Variants in ATRN observed in about 807,000 individuals in gnomAD.
ATRN encodes attractin-2.
Under a neutral mutation model 178.7 loss-of-function variants are expected in ATRN, and 54 were observed. That is an observed-to-expected ratio of 0.30 (90% CI 0.24 to 0.38). The LOEUF is 0.38. Among genes scored for constraint, ATRN ranks in the 10% least tolerant of loss-of-function variants. The pLI, the probability that ATRN is intolerant of heterozygous loss-of-function variation, is 1.00. For missense variants in ATRN, 1,443 were observed against 1,815.1 expected, an observed-to-expected ratio of 0.79 and a Z score of 3.73; for synonymous variants, 636 against 663.0, an observed-to-expected ratio of 0.96 and a Z score of 0.63.
chr20:3,473,351 G>A (rs1477504476), intron 1 of ATRN, among the ~76,000 whole-genome samples: 2 of 152,130 alleles, frequency 1.3e-5, no homozygotes, highest in Non-Finnish European at 2.9e-5. Context: ...TACTACCTGC[G>A]TGAGGGGTGG....
chr20:3,569,309 G>A (rs927587981), intron 11 of ATRN, among the ~76,000 whole-genome samples: 2 of 152,056 alleles, frequency 1.3e-5, no homozygotes, highest in Non-Finnish European at 2.9e-5. Flanking sequence ...GGTATGGCTT[G>A]TTGCTCCTAG....
At chr20:3,578,480 A>C in intron 14 of ATRN, 102 bp from the exon 15 acceptor site, 1 of 1,073,486 alleles carries the variant, frequency 9.3e-7, no homozygotes, top group Non-Finnish European at 1.3e-6. Context: ...CTAGAATTTA[A>C]ATTAGAAAGG....
chr20:3,554,375 G>A (rs1029791113), intron 6 of ATRN, among the ~76,000 whole-genome samples: 6 of 148,852 alleles, frequency 4.0e-5, no homozygotes, highest in South Asian at 2.1e-4. Context: ...TCGCTCTGTC[G>A]CCCAGGCTGG....
At chr20:3,615,398 C>T (rs1480690020) in intron 24 of ATRN, among the ~76,000 whole-genome samples, 1 of 148,234 alleles carries the variant, frequency 6.7e-6, no homozygotes. Context: ...CACTGTACTG[C>T]AGCCTGAGCG....
chr20:3,540,292 T>C lies in ATRN; in HGVS notation c.565T>C (p.Tyr189His). 1 of 1,611,558 alleles carries C rather than the reference T, an allele frequency of 6.2e-7. No individual in the cohort carries two copies. The highest frequency in any genetic ancestry group is 1.1e-5 in the South Asian group (1 of 90,472). Residue 189 changes from tyrosine (Y) to histidine (H), a missense_variant, in exon 3 of 29, where the codon TAT becomes CAT. Tyr to His is a moderately conservative substitution (Grantham distance 83, BLOSUM62 2). This residue lies in a region of ATRN where 862 missense variants were observed against 972.1 expected (regional missense o/e 0.89). Transcript: ENST00000262919. ...TECSWDHLYV[Y>H]DGDSIYAPLV... ...GTGTAGTTGGGACCATTTATATGTT[T>C]ATGATGGGGACTCAATTTATGCACC...
At chr20:3,512,250 C>G (rs1285595622) in intron 1 of ATRN, among the ~76,000 whole-genome samples, 1 of 119,656 alleles carries the variant, frequency 8.4e-6, no homozygotes, top group African/African-American at 3.1e-5. Context: ...AATGCTATCC[C>G]TCCCCCCTCC....
intron 11 of ATRN, among the ~76,000 whole-genome samples, chr20:3,570,429 A>G (rs544623461): frequency 6.6e-6 from 1 of 152,200 alleles, no homozygotes; most frequent in Admixed American, 6.5e-5. Flanking sequence ...ATCACTTCAT[A>G]GGTTTATTTC....
intron 27 of ATRN, among the ~76,000 whole-genome samples, chr20:3,643,905 G>T (rs481728): frequency 0.24 from 36,164 of 152,068 alleles, 6,155 homozygotes; most frequent in East Asian, 0.81. Flanking sequence ...CTTCCCTACA[G>T]TTCAAGCAGC....
At chr20:3,489,034 C>A (rs558175660) in intron 1 of ATRN, among the ~76,000 whole-genome samples, 1 of 152,284 alleles carries the variant, frequency 6.6e-6, no homozygotes, top group East Asian at 1.9e-4. Context: ...GATCTTGGCT[C>A]ACTGCAACCT....
chr20:3,578,637 T>C lies in ATRN; in HGVS notation c.2409T>C (p.Thr803=). 6.2e-7 allele frequency: 1 copy of C among 1,613,388 alleles called. No individual in the cohort carries two copies. Among genetic ancestry groups the C allele is most frequent in the Non-Finnish European group, 8.5e-7 (1 of 1,179,598 alleles). ...TTGGAAACTCATGTTTGAAAATTAC[T>C]ACTGCCAAGGAGAATTATGACAATG... ...HLVGNSCLKI[T]TAKENYDNAK... is the part of the protein sequence containing the mutation. Residue 803 remains threonine, a synonymous_variant, in exon 15 of 29, where the codon ACT becomes ACC. Transcript: ENST00000262919.
At chr20:3,609,078 T>G (rs991172386) in intron 24 of ATRN, among the ~76,000 whole-genome samples, 1 of 152,128 alleles carries the variant, frequency 6.6e-6, no homozygotes, top group Non-Finnish European at 1.5e-5. Flanking sequence ...ATGTCATTGG[T>G]GTAGAGATTA....
intron 1 of ATRN, among the ~76,000 whole-genome samples, chr20:3,486,451 A>C (rs1164469585): frequency 6.6e-6 from 1 of 151,256 alleles, no homozygotes; most frequent in Non-Finnish European, 1.5e-5. Flanking sequence ...TCTTTCACTC[A>C]TGCTGGATTG....
intron 1 of ATRN, among the ~76,000 whole-genome samples, chr20:3,532,207 A>G (rs1222376822): frequency 1.3e-5 from 2 of 152,242 alleles, no homozygotes; most frequent in Admixed American, 1.3e-4. Context: ...GTTCACGTGA[A>G]GTCCACTGAA....
At chr20:3,600,422 G>A (rs1306929588) in intron 22 of ATRN, among the ~76,000 whole-genome samples, 3 of 152,082 alleles carry the variant, frequency 2.0e-5, no homozygotes, top group Non-Finnish European at 4.4e-5. Context: ...TTTAAATTAA[G>A]TACATTTCAG....
At chr20:3,492,779 G>T (rs1258068800) in intron 1 of ATRN, among the ~76,000 whole-genome samples, 1 of 150,634 alleles carries the variant, frequency 6.6e-6, no homozygotes, top group Non-Finnish European at 1.5e-5. Flanking sequence ...AATTTTGTTG[G>T]TTCTGGAACT....
intron 24 of ATRN, among the ~76,000 whole-genome samples, chr20:3,607,363 T>C (rs2086689510): frequency 6.6e-6 from 1 of 152,210 alleles, no homozygotes; most frequent in Non-Finnish European, 1.5e-5. Flanking sequence ...TCTATTTTTA[T>C]ACCCATTAAC....
At chr20:3,541,374 G>A (rs2085619979) in intron 3 of ATRN, among the ~76,000 whole-genome samples, 1 of 152,178 alleles carries the variant, frequency 6.6e-6, no homozygotes, top group Non-Finnish European at 1.5e-5. Context: ...ACCGCGCCCG[G>A]CCTAGAGGAT....
At chr20:3,523,898 A>C (rs554728152) in intron 1 of ATRN, among the ~76,000 whole-genome samples, 1 of 152,364 alleles carries the variant, frequency 6.6e-6, no homozygotes, top group South Asian at 2.1e-4. Context: ...GGCCTGCCTT[A>C]CAAGAGCTCC....
At chr20:3,598,505 A>G (rs2086562964) in intron 22 of ATRN, among the ~76,000 whole-genome samples, 1 of 152,238 alleles carries the variant, frequency 6.6e-6, no homozygotes, top group African/African-American at 2.4e-5. Flanking sequence ...TAGGAGGCAA[A>G]ACAGCAAAGG....
Sources: allele counts gnomAD v4.1 joint callset (sites outside exome capture counted in the v4.1 genomes callset), GRCh38; gene constraint gnomAD v4.1.1; regional missense constraint gnomAD v4.1.1; transcripts MANE v1.5; gene names NCBI Gene and HGNC (gene_info 2026-07-23, HGNC 2026-07-21).